The following TRDN variants were observed in gnomAD, a reference collection of about 807,000 sequenced individuals.
TRDN encodes triadin in skeletal muscle.
Under a neutral mutation model 149.7 loss-of-function variants are expected in TRDN, and 161 were observed. That is an observed-to-expected ratio of 1.08 (90% CI 0.95 to 1.23). The LOEUF is 1.23. Among genes scored for constraint, TRDN ranks in the 50% most tolerant of loss-of-function variants. TRDN has a pLI of 0.00. For missense variants in TRDN, 896 were observed against 823.5 expected (o/e 1.09, Z -1.08); for synonymous variants, 294 against 250.5 (o/e 1.17, Z -1.64).
In TRDN at chr6:123,284,360, A is replaced by G. The variant is rs567045112; in HGVS notation, c.1511-5278T>C. ...ACTAGGGATGCAGGGATGGTTTAAC[A>G]TATACAAGTCAATAAATATGATATA... On this transcript the variant is annotated intron_variant, in intron 24 of 40. Transcript: ENST00000334268. Among the ~76,000 whole-genome samples the G allele has an allele frequency of 5.9e-5, 9 of 152,066 alleles. No individual in the cohort carries two copies. The South Asian group carries it at 1.9e-3, about 31-fold the overall frequency.
At chr6:123,363,979 G>T (rs561493816) in intron 20 of TRDN, among the ~76,000 whole-genome samples, 16 of 152,266 alleles carry the variant, frequency 1.1e-4, no homozygotes, top group Middle Eastern at 3.4e-3. Context: ...GGAACCAGCT[G>T]TTCAAACTGT....
chr6:123,424,139 T>A (rs1774021147), intron 12 of TRDN, among the ~76,000 whole-genome samples: 1 of 152,188 alleles, frequency 6.6e-6, no homozygotes, highest in South Asian at 2.1e-4. Flanking sequence ...GAGTTTTTAA[T>A]CATCGTATTT....
At chr6:123,486,955 A>G (rs139283678) in intron 9 of TRDN, among the ~76,000 whole-genome samples, 64 of 152,224 alleles carry the variant, frequency 4.2e-4, no homozygotes, top group African/African-American at 1.4e-3. Context: ...AGATAGTAGA[A>G]CAAAGGCTAG....
intron 38 of TRDN, among the ~76,000 whole-genome samples, chr6:123,224,795 C>A (rs1320666066): frequency 4.0e-5 from 6 of 151,668 alleles, no homozygotes; most frequent in African/African-American, 1.5e-4. Context: ...AACTGAAACA[C>A]TTTTAAAAGT....
At chr6:123,433,148 A>G (rs906528950) in intron 12 of TRDN, among the ~76,000 whole-genome samples, 1 of 56,436 alleles carries the variant, frequency 1.8e-5, no homozygotes, top group African/African-American at 6.7e-5. Context: ...TCATAAATAT[A>G]TATATATATA....
At chr6:123,627,553 G>A (rs957104951) in intron 1 of TRDN, among the ~76,000 whole-genome samples, 1 of 152,156 alleles carries the variant, frequency 6.6e-6, no homozygotes, top group African/African-American at 2.4e-5. Flanking sequence ...CCCTGGAATT[G>A]TCATAATGGT....
At chr6:123,267,000 G>A (rs1050204012) in intron 32 of TRDN, among the ~76,000 whole-genome samples, 93 of 146,882 alleles carry the variant, frequency 6.3e-4, no homozygotes, top group African/African-American at 2.2e-3. Flanking sequence ...CCAGCTACTC[G>A]GGAGGCTGAG....
intron 10 of TRDN, chr6:123,442,208 T>C (rs182990561): frequency 6.6e-6 from 1 of 152,366 alleles, no homozygotes; most frequent in East Asian, 1.9e-4. Context: ...TTGTGTGACC[T>C]TGGGCAATGT....
At chr6:123,383,071 T>A (rs892128084) in intron 14 of TRDN, among the ~76,000 whole-genome samples, 3 of 152,092 alleles carry the variant, frequency 2.0e-5, no homozygotes, top group African/African-American at 7.2e-5. Context: ...TATAATTATC[T>A]GGCTTGGAAC....
intron 2 of TRDN, among the ~76,000 whole-genome samples, chr6:123,561,825 G>A (rs1485783071): frequency 6.6e-6 from 1 of 151,998 alleles, no homozygotes; most frequent in African/African-American, 2.4e-5. Flanking sequence ...CCCTCTCGAA[G>A]CAGCCCTGTG....
Position 123,518,499 on chromosome 6 carries a change from C to G in TRDN, c.485-2293G>C, listed in dbSNP as rs78918655. 4.6e-4 allele frequency among the ~76,000 whole-genome samples: 70 copies of G among 152,290 alleles called. No homozygotes were observed. In the East Asian group the frequency reaches 0.012, roughly 25 times the overall value. On this transcript the variant is annotated intron_variant, in intron 5 of 40. Transcript: ENST00000334268. ...ACAGGGGAACACCTAATCTGTGTCT[C>G]TGTCTCTGTAAGGAATGAGGACTCA... is the stretch of plus-strand genomic sequence containing the variant.
rs71021444 is a variant in TRDN, at chr6:123,356,503, TTATATATATATATATATATATATA to T, written c.1322-3941_1322-3918del. 6.5e-4 allele frequency among the ~76,000 whole-genome samples: 70 copies of T among 106,958 alleles called. 1 individual carries two copies. Among genetic ancestry groups the T allele is most frequent in the East Asian group, 1.1e-3 (5 of 4,410 alleles). 70.2% of individuals were successfully genotyped at this position (106,958 alleles called of 152,430 possible). ...CTATGCCTCTAGGTTTACAAGAAGT[TTATATATATATATATATATATATA>T]TATATATATATATATATATATAGTT... is the stretch of plus-strand genomic sequence containing the variant. On this transcript the variant is annotated intron_variant, in intron 20 of 40. Transcript: ENST00000334268.
chr6:123,230,616 C>T (rs1775564094), intron 38 of TRDN, among the ~76,000 whole-genome samples: 1 of 151,730 alleles, frequency 6.6e-6, no homozygotes, highest in Non-Finnish European at 1.5e-5. Context: ...ATTCAACACC[C>T]TTATCATATA....
At chr6:123,512,467 T>C (rs1779230836) in intron 6 of TRDN, 105 bp from the exon 7 acceptor site, 3 of 620,556 alleles carry the variant, frequency 4.8e-6, no homozygotes, top group Non-Finnish European at 8.4e-6. Context: ...CTGTAATATT[T>C]TGAAAATGTA....
chr6:123,253,307 G>C (rs921237995), intron 37 of TRDN, among the ~76,000 whole-genome samples: 1 of 151,972 alleles, frequency 6.6e-6, no homozygotes, highest in Non-Finnish European at 1.5e-5. Flanking sequence ...CTCATTTAAA[G>C]AGCCAGACTA....
At position 123,216,757 on chromosome 6, in the gene TRDN, CTATGT is replaced by C. The variant is rs1774983693; in HGVS notation, c.*1839_*1843del. The C allele has an allele frequency of 6.6e-6, 1 of 151,832 alleles. No homozygotes were observed. The highest frequency in any genetic ancestry group is 2.4e-5 in the African/African-American group (1 of 41,394). The allele number at this position is 151,832 out of a possible 1,614,324, so 9.4% of individuals were successfully genotyped here. A position where few individuals can be genotyped will look rare whatever the true frequency, so the allele number is the denominator to read the frequency against. On this transcript the variant is annotated 3_prime_UTR_variant, in exon 41 of 41. Coordinates refer to ENST00000334268, the MANE Select transcript of TRDN (RefSeq NM_006073.4). Reference sequence around the variant, plus strand: ...TTAGTAAATTTTTCAAGGTCATTCACTATGTCAGAATAGCGCTGGGAATCTAATTT... The same window carrying C: ...TTAGTAAATTTTTCAAGGTCATTCACCAGAATAGCGCTGGGAATCTAATTT...
intron 20 of TRDN, among the ~76,000 whole-genome samples, chr6:123,363,216 T>C (rs1780964509): frequency 6.6e-6 from 1 of 152,166 alleles, no homozygotes; most frequent in Non-Finnish European, 1.5e-5. Flanking sequence ...CTTATTCTAC[T>C]CACATGTGAA....
chr6:123,483,871 T>G (rs1470111597), intron 9 of TRDN, among the ~76,000 whole-genome samples: 1 of 152,186 alleles, frequency 6.6e-6, no homozygotes, highest in Non-Finnish European at 1.5e-5. Context: ...CAGAAAAATA[T>G]ACTGTCTTTC....
At chr6:123,274,032 C>A (rs577117888) in intron 27 of TRDN, among the ~76,000 whole-genome samples, 19 of 152,144 alleles carry the variant, frequency 1.2e-4, no homozygotes, top group Non-Finnish European at 2.6e-4. Context: ...ACGGGGCAGA[C>A]CCCTAGCTTC....
Sources: gnomAD v4.1 joint callset for allele counts (sites outside exome capture counted in the v4.1 genomes callset) on GRCh38, gnomAD v4.1.1 for gene constraint, MANE v1.5 for transcripts, NCBI Gene and HGNC (gene_info 2026-07-23, HGNC 2026-07-21) for gene names.